HSPA5: variants seen among roughly 807,000 people sequenced by gnomAD.
HSPA5 encodes the protein heat shock protein family A (Hsp70) member 5, also known as endoplasmic reticulum chaperone BiP.
Under a neutral mutation model 49.5 loss-of-function variants are expected in HSPA5, and 16 were observed. The ratio of observed to expected loss-of-function variants is 0.32; its 90% CI spans 0.22 to 0.49. The LOEUF (loss-of-function observed/expected upper bound fraction) is 0.49, where lower values mean the gene tolerates loss of function less well. Among genes scored for constraint, HSPA5 ranks in the 20% least tolerant of loss-of-function variants. HSPA5 has a pLI of 0.99. For synonymous variants in HSPA5, 271 were observed against 307.2 expected (o/e 0.88, Z 1.23); for missense variants, 376 against 819.0 (o/e 0.46, Z 6.60).
In HSPA5 at chr9:125,241,208, C is replaced by A. The variant is rs1409246427; in HGVS notation, c.-82G>T. The A allele has an allele frequency of 4.6e-6, 7 of 1,508,210 alleles. No homozygotes were observed. In the South Asian group the frequency reaches 7.6e-5, roughly 16 times the overall value. 93.4% of individuals were successfully genotyped at this position (1,508,210 alleles called of 1,614,324 possible). A position where few individuals can be genotyped will look rare whatever the true frequency, so the allele number is the denominator to read the frequency against. On this transcript the variant is annotated 5_prime_UTR_variant, in exon 1 of 8. Coordinates refer to ENST00000324460, the MANE Select transcript of HSPA5 (RefSeq NM_005347.5). ...CACAGCGCAATTTCCGACTTGCAGGCGGCAGGGGCCCGGGGTCACAAGGCG... is the reference window on the plus strand; with the variant it reads ...CACAGCGCAATTTCCGACTTGCAGGAGGCAGGGGCCCGGGGTCACAAGGCG...
Position 125,239,365 on chromosome 9 carries a change from T to G in HSPA5, c.606-34A>C. The G allele has an allele frequency of 6.2e-7, 1 of 1,613,558 alleles. No homozygotes were observed. Among genetic ancestry groups the G allele is most frequent in the Non-Finnish European group, 8.5e-7 (1 of 1,179,434 alleles). On this transcript the variant is annotated intron_variant, in intron 4 of 7. Transcript: ENST00000324460. The surrounding 1 kb of genome is among the most constrained non-coding windows in gnomAD (Gnocchi z 5.5). Reference sequence around the variant, plus strand: ...TTGAAAAAGGGAAAAGTTTTGTCAGTACTTCACATTTCCACTATTTGGCAA... The same window carrying G: ...TTGAAAAAGGGAAAAGTTTTGTCAGGACTTCACATTTCCACTATTTGGCAA...
rs1832478309 is a variant in HSPA5 at position 125,235,567 on chromosome 9, C to G, written c.*1025G>C. Reference sequence around the variant, plus strand: ...CTTCAGGAACACAATCTAAGTAATCCTAAACCAGTTTTGACACAAACCATT... The same window carrying G: ...CTTCAGGAACACAATCTAAGTAATCGTAAACCAGTTTTGACACAAACCATT... On this transcript the variant is annotated 3_prime_UTR_variant, in exon 8 of 8. Transcript: ENST00000324460. The G allele has an allele frequency of 6.6e-6, 1 of 151,976 alleles. No individual in the cohort carries two copies. The highest frequency in any genetic ancestry group is 2.4e-5 in the African/African-American group (1 of 41,374). The allele number at this position is 151,976 out of a possible 1,614,324, so 9.4% of individuals were successfully genotyped here. A position where few individuals can be genotyped will look rare whatever the true frequency, so the allele number is the denominator to read the frequency against.
At position 125,237,672 on chromosome 9, in the gene HSPA5, TA is replaced by T. The variant is rs1203175615; in HGVS notation, c.1402+468del. 6.9e-3 allele frequency among the ~76,000 whole-genome samples: 896 copies of T among 130,138 alleles called. 1 individual carries two copies. The highest frequency in any genetic ancestry group is 8.2e-3 in the Middle Eastern group (2 of 244). 85.4% of individuals were successfully genotyped at this position (130,138 alleles called of 152,430 possible). ...CCTAGGCGACAGAGCAAGACTCCAT[TA>T]AAAAAAAAAAAAAAAGAATGCTAAA... On this transcript the variant is annotated intron_variant, in intron 7 of 7. Coordinates refer to ENST00000324460, the MANE Select transcript of HSPA5 (RefSeq NM_005347.5).
In HSPA5 at chr9:125,240,168, T is replaced by C. The variant is rs1832546758; in HGVS notation, c.492+4A>G. 6.3e-7 allele frequency: 1 copy of C among 1,590,628 alleles called. No homozygotes were observed. Among genetic ancestry groups the C allele is most frequent in the Non-Finnish European group, 8.5e-7 (1 of 1,171,252 alleles). On this transcript the variant is annotated splice_donor_region_variant and intron_variant, in intron 3 of 7. Transcript: ENST00000324460. This position sits in a 1 kb window ranked among gnomAD's most constrained non-coding sequence, Gnocchi z 4.4. ...ATACTTAACATTGTTCTAGAAATAT[T>C]TACCTTCTTTCCCAAATAAGCCTCA...
chr9:125,241,147 C>T lies in HSPA5; in HGVS notation c.-21G>A. ...TTCATCTTGCCAGCCAGTTGGGCAG[C>T]AGCAGGCAGTCCAGCCACAGGCCGT... On this transcript the variant is annotated 5_prime_UTR_variant, in exon 1 of 8. Coordinates refer to ENST00000324460, the MANE Select transcript of HSPA5 (RefSeq NM_005347.5). The T allele has an allele frequency of 6.2e-7, 1 of 1,606,316 alleles. No individual in the cohort carries two copies. Among genetic ancestry groups the T allele is most frequent in the Non-Finnish European group, 8.5e-7 (1 of 1,177,208 alleles).
rs1343403693 is a variant in HSPA5 at position 125,238,743 on chromosome 9, G to T, written c.1081C>A (p.Leu361Ile). ...GGAATTCGAGTCGAGCCACCAACAA[G>T]AACAATTTCATCAATATCAGACTTC... The part of the protein sequence containing the change: ...LKKSDIDEIV[L>I]VGGSTRIPKI... Residue 361 changes from leucine to isoleucine, a missense_variant, in exon 6 of 8, where the codon CTT (leucine) becomes ATT (isoleucine). Physicochemically the swap from Leu to Ile is conservative, Grantham distance 5. Transcript: ENST00000324460. 6.2e-7 allele frequency: 1 copy of T among 1,614,010 alleles called. No individual in the cohort carries two copies. The highest frequency in any genetic ancestry group is 8.5e-7 in the Non-Finnish European group (1 of 1,180,044).
In HSPA5 at chr9:125,235,111, A is replaced by G. The variant is rs887012804; in HGVS notation, c.*1481T>C. On this transcript the variant is annotated 3_prime_UTR_variant, in exon 8 of 8. Coordinates refer to ENST00000324460, the MANE Select transcript of HSPA5 (RefSeq NM_005347.5). ...TGCAGCTGAGGCCTAGGTCTAATTAAGAGTTTGGTGTTGGGATCCAGTTCT... is the reference window on the plus strand; with the variant it reads ...TGCAGCTGAGGCCTAGGTCTAATTAGGAGTTTGGTGTTGGGATCCAGTTCT... 1 of 152,134 alleles carries G rather than the reference A, an allele frequency of 6.6e-6. No homozygotes were observed. The highest frequency in any genetic ancestry group is 2.4e-5 in the African/African-American group (1 of 41,424). The allele number at this position is 152,134 out of a possible 1,614,324, so 9.4% of individuals were successfully genotyped here.
At chr9:125,238,384 G>A (rs1269198319) in intron 6 of HSPA5, 76 bp from the exon 7 acceptor site, 5 of 1,336,404 alleles carry the variant, frequency 3.7e-6, no homozygotes, top group Non-Finnish European at 5.3e-6. Context: ...TCTAACATTT[G>A]GTTAGGTTCT....
At position 125,236,400 on chromosome 9, in the gene HSPA5, T is replaced by A; in HGVS notation, c.*192A>T. On this transcript the variant is annotated 3_prime_UTR_variant, in exon 8 of 8. Coordinates refer to ENST00000324460, the MANE Select transcript of HSPA5 (RefSeq NM_005347.5). ...TTTTTAAGATGGCCAATTCTTCTTCTCCCCCCCACCCAAAGACATGTGAGC... is the reference window on the plus strand; with the variant it reads ...TTTTTAAGATGGCCAATTCTTCTTCACCCCCCCACCCAAAGACATGTGAGC... The A allele has an allele frequency of 2.1e-6, 1 of 485,094 alleles. No individual in the cohort carries two copies. The highest frequency in any genetic ancestry group is 3.6e-6 in the Non-Finnish European group (1 of 278,354). 30.0% of individuals were successfully genotyped at this position (485,094 alleles called of 1,614,324 possible).
chr9:125,237,158 G>C lies in HSPA5; in HGVS notation c.1403-4C>G, dbSNP rs1178511133. On this transcript the variant is annotated splice_region_variant and splice_polypyrimidine_tract_variant and intron_variant, in intron 7 of 7. Coordinates refer to ENST00000324460, the MANE Select transcript of HSPA5 (RefSeq NM_005347.5). Reference sequence around the variant, plus strand: ...TCTTTTGTCAGGGGTCTTTCACCTAGAAGTTACATACAGAAAAACTTGTTA... The same window carrying C: ...TCTTTTGTCAGGGGTCTTTCACCTACAAGTTACATACAGAAAAACTTGTTA... 3.1e-6 allele frequency: 5 copies of C among 1,597,116 alleles called. No individual in the cohort carries two copies. The highest frequency in any genetic ancestry group is 1.7e-5 in the Admixed American group (1 of 57,492).
Position 125,241,063 on chromosome 9 carries a change from C to G in HSPA5, c.64G>C (p.Asp22His). The G allele has an allele frequency of 6.2e-7, 1 of 1,613,924 alleles. No individual in the cohort carries two copies. The highest frequency in any genetic ancestry group is 1.3e-5 in the African/African-American group (1 of 75,058). Residue 22 changes from aspartate to histidine, a missense_variant, in exon 1 of 8, where the codon GAC (aspartate) becomes CAC (histidine). Physicochemically the swap from Asp to His is moderately conservative, Grantham distance 81. This residue lies in a region of HSPA5 where 29 missense variants were observed against 38.7 expected (regional missense o/e 0.75). Transcript: ENST00000324460. ...ACCGTGCCCACGTCCTCCTTCTTGT[C>G]CTCCTCCTCGGCCCGCGCCGCGCTG... is the stretch of plus-strand genomic sequence containing the variant. Reference protein sequence around the residue: ...LLSAARAEEEDKKEDVGTVVG... With the variant: ...LLSAARAEEEHKKEDVGTVVG...
chr9:125,238,822 C>A lies in HSPA5; in HGVS notation c.1002G>T (p.Leu334=), dbSNP rs748174426. ...GGACGGGCTTCATAGTAGACCGGAA[C>A]AGATCCTAGAAAAAAGACATGGTTA... ...RAKFEELNMD[L]FRSTMKPVQK... The change falls in exon 6 of 8, where the codon CTG becomes CTT. Residue 334 remains leucine (L), a synonymous_variant. Transcript: ENST00000324460. The A allele has an allele frequency of 3.8e-5, 61 of 1,613,492 alleles. No homozygotes were observed. The highest frequency in any genetic ancestry group is 4.9e-5 in the Non-Finnish European group (58 of 1,179,688).
chr9:125,239,202 C>T lies in HSPA5; in HGVS notation c.735G>A (p.Val245=). The T allele has an allele frequency of 6.2e-7, 1 of 1,614,088 alleles. No homozygotes were observed. Among genetic ancestry groups the T allele is most frequent in the Non-Finnish European group, 8.5e-7 (1 of 1,180,022 alleles). The change falls in exon 5 of 8, where the codon GTG becomes GTA. Residue 245 remains valine, a synonymous_variant. Transcript: ENST00000324460. This position sits in a 1 kb window ranked among gnomAD's most constrained non-coding sequence, Gnocchi z 5.5. ...CCAGATGAGTATCTCCATTAGTGGC[C>T]ACAACTTCGAAGACACCATTGTCAA... is the stretch of plus-strand genomic sequence containing the variant. The part of the protein sequence containing the change: ...LTIDNGVFEV[V]ATNGDTHLGG...
chr9:125,238,854 T>C (rs1234988269), intron 5 of HSPA5, 27 bp from the exon 6 acceptor site: 1 of 1,610,788 alleles, frequency 6.2e-7, no homozygotes, highest in African/African-American at 1.3e-5. Flanking sequence ...GTTACTGTGA[T>C]GTCTGTTATC....
rs1832538753 is a variant in HSPA5 at position 125,239,599 on chromosome 9, G to C, written c.493-66C>G. On this transcript the variant is annotated intron_variant, in intron 3 of 7. Coordinates refer to ENST00000324460, the MANE Select transcript of HSPA5 (RefSeq NM_005347.5). This position sits in a 1 kb window ranked among gnomAD's most constrained non-coding sequence, Gnocchi z 5.5. Reference sequence around the variant, plus strand: ...TTAACCCTTATTTAAATTACAGTCTGGCCAGGCGGTGGCTTCTGCCTATAA... The same window carrying C: ...TTAACCCTTATTTAAATTACAGTCTCGCCAGGCGGTGGCTTCTGCCTATAA... 2.2e-6 allele frequency: 3 copies of C among 1,339,684 alleles called. No individual in the cohort carries two copies. The highest frequency in any genetic ancestry group is 3.2e-6 in the Non-Finnish European group (3 of 941,384). 83.0% of individuals were successfully genotyped at this position (1,339,684 alleles called of 1,614,324 possible).
At position 125,235,239 on chromosome 9, in the gene HSPA5, C is replaced by G. The variant is rs1832471877; in HGVS notation, c.*1353G>C. On this transcript the variant is annotated 3_prime_UTR_variant, in exon 8 of 8. Coordinates refer to ENST00000324460, the MANE Select transcript of HSPA5 (RefSeq NM_005347.5). ...TTTTTTTTTTTGAGGTGGAGTCTCA[C>G]TCTTGTCGCCAGGCTGGAGTGCCGG... 6.6e-6 allele frequency: 1 copy of G among 151,012 alleles called. No homozygotes were observed. Among genetic ancestry groups the G allele is most frequent in the South Asian group, 2.1e-4 (1 of 4,796 alleles). 9.4% of individuals were successfully genotyped at this position (151,012 alleles called of 1,614,324 possible).
chr9:125,241,069 C>T lies in HSPA5; in HGVS notation c.58G>A (p.Glu20Lys), dbSNP rs1564208377. 25 of 1,613,832 alleles carry T rather than the reference C, an allele frequency of 1.5e-5. No individual in the cohort carries two copies. The highest frequency in any genetic ancestry group is 2.0e-5 in the Non-Finnish European group (24 of 1,179,978). Residue 20 changes from glutamate to lysine, a missense_variant, in exon 1 of 8, where the codon GAG becomes AAG. Glu to Lys is a moderately conservative substitution (Grantham distance 56). Around this residue, in one of 8 missense-constraint regions of HSPA5, gnomAD observed 29 missense variants for 38.7 expected, o/e 0.75. Coordinates refer to ENST00000324460, the MANE Select transcript of HSPA5 (RefSeq NM_005347.5). ...LLLLSAARAE[E>K]EDKKEDVGTV... ...CCCACGTCCTCCTTCTTGTCCTCCT[C>T]CTCGGCCCGCGCCGCGCTGAGCAGC...
chr9:125,240,629 C>A lies in HSPA5; in HGVS notation c.354+47G>T. The A allele has an allele frequency of 6.7e-7, 1 of 1,492,278 alleles. No homozygotes were observed. Among genetic ancestry groups the A allele is most frequent in the Non-Finnish European group, 9.3e-7 (1 of 1,072,586 alleles). The allele number at this position is 1,492,278 out of a possible 1,614,324, so 92.4% of individuals were successfully genotyped here. On this transcript the variant is annotated intron_variant, in intron 2 of 7. Coordinates refer to ENST00000324460, the MANE Select transcript of HSPA5 (RefSeq NM_005347.5). This position sits in a 1 kb window ranked among gnomAD's most constrained non-coding sequence, Gnocchi z 4.4. Reference sequence around the variant, plus strand: ...CAGAGACTTATAACTCTAAATACTCCCACCACCCACCCGTTCTCTAACTGG... The same window carrying A: ...CAGAGACTTATAACTCTAAATACTCACACCACCCACCCGTTCTCTAACTGG...
chr9:125,240,443 G>T lies in HSPA5; in HGVS notation c.355-134C>A. 1.3e-6 allele frequency: 1 copy of T among 796,872 alleles called. No individual in the cohort carries two copies. The highest frequency in any genetic ancestry group is 2.0e-6 in the Non-Finnish European group (1 of 499,780). The allele number at this position is 796,872 out of a possible 1,614,324, so 49.4% of individuals were successfully genotyped here. A position where few individuals can be genotyped will look rare whatever the true frequency, so the allele number is the denominator to read the frequency against. On this transcript the variant is annotated intron_variant, in intron 2 of 7. Coordinates refer to ENST00000324460, the MANE Select transcript of HSPA5 (RefSeq NM_005347.5). This position sits in a 1 kb window ranked among gnomAD's most constrained non-coding sequence, Gnocchi z 4.4. ...AAATTGACTAGAAATACTTCAGGGA[G>T]TATAGGTGTCTTACAAAGTTCAGTT... is the stretch of plus-strand genomic sequence containing the variant.
Sources: gnomAD v4.1 joint callset for allele counts (sites outside exome capture counted in the v4.1 genomes callset) on GRCh38, gnomAD v4.1.1 for gene constraint, gnomAD v4.1.1 regional missense constraint, Gnocchi (gnomAD v3.1) non-coding constraint, MANE v1.5 for transcripts, NCBI Gene and HGNC (gene_info 2026-07-23, HGNC 2026-07-21) for gene names.